The following SDCCAG8 variants were observed in gnomAD, a reference collection of about 807,000 sequenced individuals.
SDCCAG8 encodes serologically defined colon cancer antigen 8.
SDCCAG8 carries 74 observed loss-of-function variants against 101.8 expected under a neutral mutation model. That is an observed-to-expected ratio of 0.73 (90% CI 0.60 to 0.88). The LOEUF (loss-of-function observed/expected upper bound fraction) is 0.88, where lower values mean the gene tolerates loss of function less well. Among genes scored for constraint, SDCCAG8 ranks in the 40% least tolerant of loss-of-function variants. SDCCAG8 has a pLI of 0.00. For missense variants in SDCCAG8, 787 were observed against 822.6 expected, an observed-to-expected ratio of 0.96 and a Z score of 0.53; for synonymous variants, 281 against 292.9, an observed-to-expected ratio of 0.96 and a Z score of 0.41.
chr1:243,339,771 A>T (rs1033696514), intron 10 of SDCCAG8, among the ~76,000 whole-genome samples: 1 of 152,200 alleles, frequency 6.6e-6, no homozygotes. Context: ...GTTGATTTTT[A>T]TCATAGAATT....
intron 12 of SDCCAG8, among the ~76,000 whole-genome samples, chr1:243,356,073 T>C (rs772457457): frequency 6.6e-6 from 1 of 152,186 alleles, no homozygotes; most frequent in Non-Finnish European, 1.5e-5. Flanking sequence ...TTCCCTAATA[T>C]ACTGAAGGTC....
intron 12 of SDCCAG8, among the ~76,000 whole-genome samples, chr1:243,352,928 G>A (rs1224550409): frequency 6.6e-6 from 1 of 152,058 alleles, no homozygotes; most frequent in Non-Finnish European, 1.5e-5. Flanking sequence ...ACATATACCT[G>A]TAAGGGAAAA....
intron 12 of SDCCAG8, among the ~76,000 whole-genome samples, chr1:243,358,165 G>A (rs559003807): frequency 1.1e-4 from 17 of 152,032 alleles, no homozygotes; most frequent in African/African-American, 4.1e-4. Context: ...CCCACAGAAC[G>A]GGAGAAAATT....
In SDCCAG8 at chr1:243,436,954, C is replaced by T. The variant is rs544692228; in HGVS notation, c.1985+10396C>T. 2.6e-5 allele frequency among the ~76,000 whole-genome samples: 4 copies of T among 152,224 alleles called. No individual in the cohort carries two copies. The South Asian group carries it at 6.2e-4, about 24-fold the overall frequency. On this transcript the variant is annotated intron_variant, in intron 16 of 17. Transcript: ENST00000366541. ...CTTATATCAGAGGGGAAAAAAGGTA[C>T]ATTTCAGTGCTGAAAGTCCCTGAAA...
chr1:243,499,796 A>C lies in SDCCAG8; in HGVS notation c.*11A>C, dbSNP rs574680728. The C allele has an allele frequency of 2.1e-4, 345 of 1,611,788 alleles. No homozygotes were observed. The African/African-American group carries it at 3.6e-3, about 17-fold the overall frequency. On this transcript the variant is annotated 3_prime_UTR_variant, in exon 18 of 18. Transcript: ENST00000366541. The stretch of plus-strand genomic sequence containing the variant: ...CAATCTGATTGCTGACCTGGATGGA[A>C]CAGAGTGAAATAAATGATTTACAAA...
chr1:243,334,790 G>A (rs1010771777), intron 10 of SDCCAG8, among the ~76,000 whole-genome samples: 13 of 152,102 alleles, frequency 8.5e-5, no homozygotes, highest in African/African-American at 3.1e-4. Context: ...TTTTTGCCAT[G>A]TTGCCCAGGC....
At chr1:243,267,133 CTCGGG>C in intron 1 of SDCCAG8, 1 of 155,822 alleles carries the variant, frequency 6.4e-6, no homozygotes, top group Non-Finnish European at 1.4e-5. Flanking sequence ...GTCCCAGTTT[CTCGGG>C]AGGCTGAGGC....
chr1:243,478,687 T>A (rs988308558), intron 16 of SDCCAG8, among the ~76,000 whole-genome samples: 1 of 151,928 alleles, frequency 6.6e-6, no homozygotes, highest in Non-Finnish European at 1.5e-5. Flanking sequence ...TAAAAGTGCG[T>A]TAATGTCACG....
At chr1:243,456,030 C>G (rs1407232543) in intron 16 of SDCCAG8, among the ~76,000 whole-genome samples, 2 of 152,150 alleles carry the variant, frequency 1.3e-5, no homozygotes, top group African/African-American at 4.8e-5. Context: ...GTGGGCTGAT[C>G]GCTGGTCTAC....
chr1:243,272,860 A>T (rs541614238), intron 3 of SDCCAG8, among the ~76,000 whole-genome samples: 34 of 152,348 alleles, frequency 2.2e-4, no homozygotes, highest in African/African-American at 8.2e-4. Flanking sequence ...ATACATGCAT[A>T]TATTGAGAGT....
chr1:243,265,754 A>T (rs535136018), intron 1 of SDCCAG8, among the ~76,000 whole-genome samples: 1 of 151,894 alleles, frequency 6.6e-6, no homozygotes, highest in African/African-American at 2.4e-5. Context: ...CGGAGGTTGC[A>T]GTGAGCCAAG....
Position 243,458,443 on chromosome 1 carries a change from C to T in SDCCAG8, c.1986-30571C>T, listed in dbSNP as rs1323499117. ...TAATAATCGTCATTGTAATTCTCATCACTGTAGTAGCAGCAGCTAACTTTA... is the reference window on the plus strand; with the variant it reads ...TAATAATCGTCATTGTAATTCTCATTACTGTAGTAGCAGCAGCTAACTTTA... On this transcript the variant is annotated intron_variant, in intron 16 of 17. Transcript: ENST00000366541. The surrounding 1 kb of genome is among the most constrained non-coding windows in gnomAD (Gnocchi z 4.5). 2.6e-5 allele frequency among the ~76,000 whole-genome samples: 4 copies of T among 152,004 alleles called. No individual in the cohort carries two copies. The highest frequency in any genetic ancestry group is 7.2e-5 in the African/African-American group (3 of 41,404).
intron 13 of SDCCAG8, among the ~76,000 whole-genome samples, chr1:243,401,767 A>G (rs6675969): frequency 0.071 from 10,775 of 150,830 alleles, 1,313 homozygotes; most frequent in African/African-American, 0.25. Flanking sequence ...TCATTTTGGT[A>G]TACTATGGTG....
intron 6 of SDCCAG8, among the ~76,000 whole-genome samples, chr1:243,297,386 A>G (rs545189573): frequency 1.1e-4 from 16 of 152,298 alleles, no homozygotes; most frequent in African/African-American, 3.8e-4. Flanking sequence ...GCTGCTATGA[A>G]CATTCTTTCA....
chr1:243,374,357 C>T (rs1451155818), intron 12 of SDCCAG8, among the ~76,000 whole-genome samples: 1 of 151,698 alleles, frequency 6.6e-6, no homozygotes, highest in Admixed American at 6.6e-5. Context: ...AAACTGCGCA[C>T]AAGGAATGAA....
intron 17 of SDCCAG8, among the ~76,000 whole-genome samples, chr1:243,496,510 A>G (rs2148310586): frequency 6.6e-6 from 1 of 152,362 alleles, no homozygotes; most frequent in African/African-American, 2.4e-5. Flanking sequence ...TGACTTGGCC[A>G]AACAGAGACA....
rs574582664 is a variant in SDCCAG8 at position 243,256,378 on chromosome 1, C to A, written c.67+138C>A. 3.0e-4 allele frequency: 219 copies of A among 720,980 alleles called. 2 individuals carry two copies. In the South Asian group the frequency reaches 3.1e-3, roughly 10 times the overall value. 44.7% of individuals were successfully genotyped at this position (720,980 alleles called of 1,614,324 possible). The stretch of plus-strand genomic sequence containing the variant: ...GGAGCAAGATGGATGTTGCTGTGGT[C>A]TTGAGGAGGATGAAATAGTTTGATT... On this transcript the variant is annotated intron_variant, in intron 1 of 17. Transcript: ENST00000366541.
intron 15 of SDCCAG8, among the ~76,000 whole-genome samples, chr1:243,420,878 T>C (rs140694558): frequency 6.6e-6 from 1 of 152,334 alleles, no homozygotes; most frequent in East Asian, 1.9e-4. Flanking sequence ...AAACCACCTA[T>C]AAAACTTGAA....
chr1:243,337,651 A>T (rs2075101965), intron 10 of SDCCAG8, among the ~76,000 whole-genome samples: 1 of 152,222 alleles, frequency 6.6e-6, no homozygotes, highest in Non-Finnish European at 1.5e-5. Flanking sequence ...GGATTAAGTG[A>T]GATAATGTTT....
Sources: gnomAD v4.1 joint callset for allele counts (sites outside exome capture counted in the v4.1 genomes callset) on GRCh38, gnomAD v4.1.1 for gene constraint, Gnocchi (gnomAD v3.1) non-coding constraint, MANE v1.5 for transcripts, NCBI Gene and HGNC (gene_info 2026-07-23, HGNC 2026-07-21) for gene names.